Variants in EPPK1 observed in about 807,000 individuals in gnomAD.
EPPK1 encodes the protein epiplakin.
For missense variants in EPPK1, 3,823 were observed against 3,673.3 expected (o/e 1.04, Z -1.05); for synonymous variants, 1,862 against 1,721.2 (o/e 1.08, Z -2.03).
In EPPK1 at chr8:143,869,777, C is replaced by T. The variant is rs782691144; in HGVS notation, c.3477G>A (p.Arg1159=). 1 of 1,605,024 alleles carries T rather than the reference C, an allele frequency of 6.2e-7. No individual in the cohort carries two copies. Among genetic ancestry groups the T allele is most frequent in the African/African-American group, 1.3e-5 (1 of 74,754 alleles). The part of the protein sequence containing the change: ...SSCHFTEEQR[R]GLLEDVQEGR... ...CCTCCTGCACGTCCTCCAGCAGGCC[C>T]CTCCGTTGCTCCTCGGTGAAGTGGC... Residue 1159 remains arginine, a synonymous_variant, in exon 2 of 2, where the codon AGG becomes AGA. Coordinates refer to ENST00000615648, the MANE Select transcript of EPPK1 (RefSeq NM_031308.4).
At chr8:143,873,499 C>T (rs1316987813) in intron 1 of EPPK1, among the ~76,000 whole-genome samples, 3 of 152,076 alleles carry the variant, frequency 2.0e-5, no homozygotes, top group African/African-American at 7.2e-5. Context: ...TCAGAGGGAC[C>T]ATGTGGGCGC....
chr8:143,866,921 T>C lies in EPPK1; in HGVS notation c.6333A>G (p.Thr2111=). The C allele has an allele frequency of 6.2e-7, 1 of 1,613,014 alleles. No individual in the cohort carries two copies. The highest frequency in any genetic ancestry group is 1.7e-5 in the Admixed American group (1 of 60,028). ...RALEAEQVEI[T]VGRFRGQKPT... is the part of the protein sequence containing the mutation. The stretch of plus-strand genomic sequence containing the variant: ...GTTTCTGGCCTCTGAACCTTCCCAC[T>C]GTGATTTCCACTTGCTCTGCCTCCA... Residue 2111 remains threonine (T), a synonymous_variant, in exon 2 of 2, where the codon ACA becomes ACG. Transcript: ENST00000615648.
intron 1 of EPPK1, among the ~76,000 whole-genome samples, chr8:143,878,062 C>A (rs1554662532): frequency 6.6e-6 from 1 of 152,144 alleles, no homozygotes; most frequent in African/African-American, 2.4e-5. Context: ...CCCCACCCTG[C>A]AGAGCGTGCC....
intron 1 of EPPK1, among the ~76,000 whole-genome samples, chr8:143,875,940 GCCCCCACC>G (rs1819468847): frequency 6.6e-6 from 1 of 151,860 alleles, no homozygotes; most frequent in African/African-American, 2.4e-5. Flanking sequence ...TGGCACAGTG[GCCCCCACC>G]CCCCACCCCC....
rs1227636060 is a variant in EPPK1 at position 143,866,586 on chromosome 8, G to T, written c.6668C>A (p.Thr2223Asn). 83 of 1,612,102 alleles carry T rather than the reference G, an allele frequency of 5.1e-5. No homozygotes were observed. The highest frequency in any genetic ancestry group is 4.4e-5 in the Non-Finnish European group (52 of 1,179,646). The change falls in exon 2 of 2, where the codon ACC becomes AAC. Residue 2223 changes from threonine (T) to asparagine (N), a missense_variant. Physicochemically the swap from Thr to Asn is moderately conservative, Grantham distance 65. Transcript: ENST00000615648. The part of the protein sequence containing the change: ...DDRVKRYLEG[T>N]SCIAGVLVPA... The stretch of plus-strand genomic sequence containing the variant: ...CACCAGGACGCCCGCGATGCAGCTG[G>T]TGCCCTCCAGGTAGCGCTTGACGCG...
chr8:143,866,441 G>T lies in EPPK1; in HGVS notation c.6813C>A (p.Phe2271Leu). 8 of 1,374,324 alleles carry T rather than the reference G, an allele frequency of 5.8e-6. No individual in the cohort carries two copies. Among genetic ancestry groups the T allele is most frequent in the South Asian group, 1.4e-5 (1 of 72,774 alleles). 85.1% of individuals were successfully genotyped at this position (1,374,324 alleles called of 1,614,324 possible). ...TCAGGTTGCGCACGGGGTCGATGAC[G>T]AAGCCGGTGGCCGCCTGCGCCTCCA... The part of the protein sequence containing the change: ...VLLEAQAATG[F>L]VIDPVRNLRL... Residue 2271 changes from phenylalanine to leucine, a missense_variant, in exon 2 of 2, where the codon TTC becomes TTA. Phe to Leu is a conservative substitution (Grantham distance 22). Transcript: ENST00000615648.
chr8:143,872,686 C>T lies in EPPK1; in HGVS notation c.568G>A (p.Glu190Lys). 1 of 1,605,258 alleles carries T rather than the reference C, an allele frequency of 6.2e-7. No homozygotes were observed. Among genetic ancestry groups the T allele is most frequent in the Non-Finnish European group, 8.5e-7 (1 of 1,176,512 alleles). Residue 190 changes from glutamate (E) to lysine (K), a missense_variant, in exon 2 of 2, where the codon GAG (glutamate) becomes AAG (lysine). Glu to Lys is a moderately conservative substitution (Grantham distance 56). Coordinates refer to ENST00000615648, the MANE Select transcript of EPPK1 (RefSeq NM_031308.4). ...LDRETWHKLS[E>K]LEPGTGDLRF... ...AGGTCACCTGTGCCAGGCTCAAGCT[C>T]TGACAGCTTGTGCCATGTCTCCCGG...
rs1819402949 is a variant in EPPK1 at position 143,872,877 on chromosome 8, T to C, written c.377A>G (p.Tyr126Cys). ...ERATTGYPDP[Y>C]GGEKLALFQA... ...AAAGAGGGCCAGCTTCTCACCGCCG[T>C]AGGGGTCAGGATAGCCCGTAGTGGC... Residue 126 changes from tyrosine (Y) to cysteine (C), a missense_variant, in exon 2 of 2, where the codon TAC becomes TGC. Coordinates refer to ENST00000615648, the MANE Select transcript of EPPK1 (RefSeq NM_031308.4). 1.9e-6 allele frequency: 3 copies of C among 1,589,260 alleles called. No homozygotes were observed. The highest frequency in any genetic ancestry group is 1.7e-4 in the Middle Eastern group (1 of 5,940).
intron 1 of EPPK1, among the ~76,000 whole-genome samples, chr8:143,876,851 G>T (rs1354724115): frequency 2.0e-5 from 3 of 152,228 alleles, no homozygotes; most frequent in Admixed American, 6.5e-5. Flanking sequence ...CAAGGGGGAG[G>T]GGCAGTGCGG....
rs782570857 is a variant in EPPK1, at chr8:143,858,043, T to A, written c.15211A>T (p.Arg5071Trp). Residue 5071 changes from arginine (R) to tryptophan (W), a missense_variant, in exon 2 of 2, where the codon AGG becomes TGG. Arg to Trp is a moderately radical substitution (Grantham distance 101, BLOSUM62 -3). Coordinates refer to ENST00000615648, the MANE Select transcript of EPPK1 (RefSeq NM_031308.4). ...ENLTYLQLLQ[R>W]ATLDPETGLL... ...CCCGTCTCAGGGTCCAGGGTGGCCC[T>A]CTGCAGAAGCTGCAGGTACGTGAGG... 1.2e-6 allele frequency: 2 copies of A among 1,613,164 alleles called. No individual in the cohort carries two copies. Among genetic ancestry groups the A allele is most frequent in the Middle Eastern group, 1.7e-4 (1 of 6,056 alleles).
chr8:143,868,534 C>G lies in EPPK1; in HGVS notation c.4720G>C (p.Ala1574Pro), dbSNP rs375831338. 4.5e-5 allele frequency: 73 copies of G among 1,606,194 alleles called. No homozygotes were observed. The African/African-American group carries it at 7.7e-4, about 17-fold the overall frequency. The change falls in exon 2 of 2, where the codon GCC (alanine) becomes CCC (proline). Residue 1574 changes from alanine (A) to proline (P), a missense_variant. Transcript: ENST00000615648. Reference protein sequence around the residue: ...KRSLEGGNFIAGVLIQGTQER... With the variant: ...KRSLEGGNFIPGVLIQGTQER... ...TGGGTGCCCTGGATAAGGACCCCGG[C>G]AATGAAGTTGCCTCCCTCCAGGGAC... is the stretch of plus-strand genomic sequence containing the variant.
chr8:143,867,090 A>T lies in EPPK1; in HGVS notation c.6164T>A (p.Val2055Glu). 6.2e-7 allele frequency: 1 copy of T among 1,612,960 alleles called. No homozygotes were observed. Among genetic ancestry groups the T allele is most frequent in the African/African-American group, 1.3e-5 (1 of 75,032 alleles). ...GACCTTCTCTTGCGTGTTCGGGTCC[A>T]CAAACCGTTTCCTCATGTGCTTCTG... ...SDQKHMRKRF[V>E]DPNTQEKVSY... is the part of the protein sequence containing the mutation. Residue 2055 changes from valine to glutamate, a missense_variant, in exon 2 of 2, where the codon GTG (valine) becomes GAG (glutamate). By Grantham distance (121) the Val-to-Glu change is moderately radical (BLOSUM62 -2). Transcript: ENST00000615648.
Position 143,866,212 on chromosome 8 carries a change from C to T in EPPK1, c.7042G>A (p.Val2348Ile), listed in dbSNP as rs1354095837. ...LLEAQIATGG[V>I]IDPVHSHRVP... ...CGGTGGCTGTGCACGGGGTCGATGA[C>T]GCCGCCCGTGGCGATCTGGGCCTCC... The change falls in exon 2 of 2, where the codon GTC (valine) becomes ATC (isoleucine). Residue 2348 changes from valine to isoleucine, a missense_variant. Transcript: ENST00000615648. 137 of 448,570 alleles carry T rather than the reference C, an allele frequency of 3.1e-4. No homozygotes were observed. The highest frequency in any genetic ancestry group is 3.8e-4 in the Non-Finnish European group (102 of 268,588). The allele number at this position is 448,570 out of a possible 1,614,324, so 27.8% of individuals were successfully genotyped here.
rs1554657871 is a variant in EPPK1, at chr8:143,857,983, C to A, written c.*4G>T. 1 of 1,575,822 alleles carries A rather than the reference C, an allele frequency of 6.3e-7. No individual in the cohort carries two copies. Among genetic ancestry groups the A allele is most frequent in the Non-Finnish European group, 8.6e-7 (1 of 1,157,284 alleles). ...TTGCAGAAAACTGCACGGAGGAAGC[C>A]CAGTCACTGTAGAGAGAGAGAAAGA... On this transcript the variant is annotated 3_prime_UTR_variant, in exon 2 of 2. Transcript: ENST00000615648.
intron 1 of EPPK1, 72 bp downstream of exon 1, chr8:143,878,366 G>GCCGCACCTGC (rs1554662582): frequency 5.6e-5 from 6 of 107,758 alleles, no homozygotes; most frequent in African/African-American, 1.1e-4. Flanking sequence ...ACCCGCACCC[G>GCCGCACCTGC]CCGCACCTGC....
intron 1 of EPPK1, among the ~76,000 whole-genome samples, chr8:143,878,008 C>T (rs1476847858): frequency 1.3e-5 from 2 of 152,114 alleles, no homozygotes; most frequent in Non-Finnish European, 2.9e-5. Context: ...CCAGGAGTCA[C>T]CCCTCTCAAT....
At position 143,866,673 on chromosome 8, in the gene EPPK1, T is replaced by C. The variant is rs373277814; in HGVS notation, c.6581A>G (p.Glu2194Gly). The C allele has an allele frequency of 3.7e-6, 6 of 1,613,116 alleles. No homozygotes were observed. Among genetic ancestry groups the C allele is most frequent in the Non-Finnish European group, 5.1e-6 (6 of 1,179,880 alleles). The change falls in exon 2 of 2, where the codon GAG becomes GGG. Residue 2194 changes from glutamate to glycine, a missense_variant. By Grantham distance (98) the Glu-to-Gly change is moderately conservative. Transcript: ENST00000615648. ...SELLSSAIIT[E>G]EMLQDLETGR... Reference sequence around the variant, plus strand: ...CGTTTCCAGGTCCTGGAGCATTTCCTCCGTGATTATGGCTGAGCTGAGGAG... The same window carrying C: ...CGTTTCCAGGTCCTGGAGCATTTCCCCCGTGATTATGGCTGAGCTGAGGAG...
chr8:143,871,794 G>A lies in EPPK1; in HGVS notation c.1460C>T (p.Thr487Ile), dbSNP rs1332069116. 3 of 1,612,178 alleles carry A rather than the reference G, an allele frequency of 1.9e-6. No individual in the cohort carries two copies. The highest frequency in any genetic ancestry group is 1.7e-6 in the Non-Finnish European group (2 of 1,179,746). ...TGTGGCCGTGCTCAGGGCCTGCCGA[G>A]TGCTGTACTTGATGAATGGGGGTCC... ...PQGPPFIKYS[T>I]RQALSTATAT... The change falls in exon 2 of 2, where the codon ACT (threonine) becomes ATT (isoleucine). Residue 487 changes from threonine (T) to isoleucine (I), a missense_variant. By Grantham distance (89) the Thr-to-Ile change is moderately conservative (BLOSUM62 -1). Coordinates refer to ENST00000615648, the MANE Select transcript of EPPK1 (RefSeq NM_031308.4).
In EPPK1 at chr8:143,869,601, G is replaced by A. The variant is rs1554660422; in HGVS notation, c.3653C>T (p.Thr1218Ile). Residue 1218 changes from threonine (T) to isoleucine (I), a missense_variant, in exon 2 of 2, where the codon ACC (threonine) becomes ATC (isoleucine). Coordinates refer to ENST00000615648, the MANE Select transcript of EPPK1 (RefSeq NM_031308.4). ...CGTGCCCTGAGCCAGGGCCTCAAGG[G>A]TCTCCTGGGTGATGATGCCAGCATC... ...LLDAGIITQE[T>I]LEALAQGTQS... 1.9e-6 allele frequency: 3 copies of A among 1,569,464 alleles called. No individual in the cohort carries two copies. The highest frequency in any genetic ancestry group is 2.3e-5 in the East Asian group (1 of 43,204).
Sources: gnomAD v4.1 joint callset for allele counts (sites outside exome capture counted in the v4.1 genomes callset) on GRCh38, gnomAD v4.1.1 for gene constraint, MANE v1.5 for transcripts, NCBI Gene and HGNC (gene_info 2026-07-23, HGNC 2026-07-21) for gene names.